Variants in UNC13C observed in about 807,000 individuals in gnomAD.
UNC13C encodes unc-13 homolog C.
Under a neutral mutation model 245.4 loss-of-function variants are expected in UNC13C, and 174 were observed. The observed-to-expected ratio is 0.71, with a 90% CI of 0.63 to 0.80. The LOEUF (loss-of-function observed/expected upper bound fraction) is 0.80, where lower values mean the gene tolerates loss of function less well. UNC13C is among the 30% of genes least tolerant of loss of function. UNC13C has a pLI of 0.00. For synonymous variants in UNC13C, 992 were observed against 895.1 expected (o/e 1.11, Z -1.93); for missense variants, 2,829 against 2,602.9 (o/e 1.09, Z -1.89).
At chr15:54,061,864 A>G (rs1897852393) in intron 2 of UNC13C, among the ~76,000 whole-genome samples, 1 of 152,194 alleles carries the variant, frequency 6.6e-6, no homozygotes, top group African/African-American at 2.4e-5. Context: ...CTTCATTCTT[A>G]GCATGGGTAT....
chr15:53,948,025 A>G, the UNC13C span: 2 of 152,216 alleles, frequency 1.3e-5, no homozygotes, highest in Non-Finnish European at 1.5e-5. Flanking sequence ...CAGTAGCGCA[A>G]TTAGGTGAAC....
chr15:53,961,791 A>C, the UNC13C span, among the ~76,000 whole-genome samples: 1 of 152,338 alleles, frequency 6.6e-6, no homozygotes, highest in Non-Finnish European at 1.5e-5. Flanking sequence ...TAATTCACCA[A>C]ATACAAATAT....
intron 18 of UNC13C, among the ~76,000 whole-genome samples, chr15:54,395,560 T>C (rs1343810603): frequency 1.3e-5 from 2 of 151,900 alleles, no homozygotes; most frequent in Non-Finnish European, 2.9e-5. Context: ...GATCAATATG[T>C]GAAGGACATG....
intron 17 of UNC13C, among the ~76,000 whole-genome samples, chr15:54,357,287 T>A (rs1305053438): frequency 6.6e-6 from 1 of 152,050 alleles, no homozygotes; most frequent in Non-Finnish European, 1.5e-5. Context: ...AAATAAAAGA[T>A]AATTATGAAG....
At chr15:54,189,971 C>T (rs925892663) in intron 4 of UNC13C, among the ~76,000 whole-genome samples, 1 of 152,110 alleles carries the variant, frequency 6.6e-6, no homozygotes, top group African/African-American at 2.4e-5. Context: ...GTCAACAGTC[C>T]TAATTTTAGC....
intron 17 of UNC13C, among the ~76,000 whole-genome samples, chr15:54,346,692 C>T (rs1170910702): frequency 1.3e-5 from 2 of 152,172 alleles, no homozygotes; most frequent in African/African-American, 4.8e-5. Flanking sequence ...GCTCTGCACT[C>T]GGTAGGTGGT....
the UNC13C span, among the ~76,000 whole-genome samples, chr15:53,924,264 G>A: frequency 6.6e-6 from 1 of 152,128 alleles, no homozygotes; most frequent in Non-Finnish European, 1.5e-5. Flanking sequence ...GCACGGCACA[G>A]TTCAGTGCTA....
intron 14 of UNC13C, among the ~76,000 whole-genome samples, chr15:54,323,229 T>G (rs2038211618): frequency 6.6e-6 from 1 of 152,008 alleles, no homozygotes; most frequent in South Asian, 2.1e-4. Context: ...AAAGATGTGC[T>G]CCTGTGTTTA....
At chr15:54,525,423 AAAAAG>A in intron 24 of UNC13C, 121 bp from the exon 25 acceptor site, 2 of 586,504 alleles carry the variant, frequency 3.4e-6, no homozygotes, top group Non-Finnish European at 5.5e-6. Context: ...AAAAAAAAAA[AAAAAG>A]AAGAGAAAAA....
At chr15:54,511,731 G>A (rs770265734) in intron 23 of UNC13C, 22 bp from the exon 24 acceptor site, 11 of 1,536,842 alleles carry the variant, frequency 7.2e-6, no homozygotes, top group Non-Finnish European at 8.9e-6. Context: ...GCTCATAATA[G>A]TCTTTTTTTC....
At chr15:54,350,968 T>G (rs948341021) in intron 17 of UNC13C, among the ~76,000 whole-genome samples, 1 of 152,204 alleles carries the variant, frequency 6.6e-6, no homozygotes, top group African/African-American at 2.4e-5. Context: ...GACTATAGTT[T>G]GAGTTATTTC....
intron 29 of UNC13C, among the ~76,000 whole-genome samples, chr15:54,562,251 T>A (rs1897324804): frequency 6.6e-6 from 1 of 152,032 alleles, no homozygotes; most frequent in Non-Finnish European, 1.5e-5. Context: ...AATCACCATT[T>A]GACAACACCA....
At chr15:54,337,841 T>A (rs1174189603) in intron 16 of UNC13C, among the ~76,000 whole-genome samples, 1 of 152,226 alleles carries the variant, frequency 6.6e-6, no homozygotes, top group African/African-American at 2.4e-5. Context: ...GGTCTATATG[T>A]AGTTTCCCCT....
At chr15:54,256,965 A>C (rs2036295388) in intron 8 of UNC13C, among the ~76,000 whole-genome samples, 1 of 152,170 alleles carries the variant, frequency 6.6e-6, no homozygotes. Flanking sequence ...GCTCTTTGAA[A>C]TTGTTTACGT....
At chr15:54,265,157 G>A (rs2036521415) in intron 9 of UNC13C, among the ~76,000 whole-genome samples, 198 bp from the exon 10 acceptor site, 1 of 151,616 alleles carries the variant, frequency 6.6e-6, no homozygotes, top group Admixed American at 6.6e-5. Flanking sequence ...TAAAGACAAG[G>A]GCAAAAATTA....
chr15:54,265,643 C>T, intron 10 of UNC13C, 147 bp downstream of exon 10: 1 of 536,332 alleles, frequency 1.9e-6, no homozygotes, highest in Non-Finnish European at 3.1e-6. Context: ...GTTATAAACT[C>T]CTTCAATACT....
chr15:54,473,363 G>C (rs1892561357), intron 19 of UNC13C, among the ~76,000 whole-genome samples: 1 of 151,904 alleles, frequency 6.6e-6, no homozygotes, highest in Non-Finnish European at 1.5e-5. Context: ...GTTAGGAACA[G>C]TTCAAATCTT....
chr15:54,418,193 A>T (rs2040561048), intron 19 of UNC13C, among the ~76,000 whole-genome samples: 1 of 152,162 alleles, frequency 6.6e-6, no homozygotes, highest in South Asian at 2.1e-4. Flanking sequence ...AGGCTTTCTA[A>T]TATATAACAA....
downstream of UNC13C, chr15:54,630,112 C>T (rs1314319575): frequency 1.3e-5 from 2 of 152,162 alleles, no homozygotes; most frequent in Admixed American, 1.3e-4. Context: ...AGATAAAACA[C>T]ACAAAGGCAA....
Sources: allele counts gnomAD v4.1 joint callset (sites outside exome capture counted in the v4.1 genomes callset), GRCh38; gene constraint gnomAD v4.1.1; transcripts MANE v1.5; gene names NCBI Gene and HGNC (gene_info 2026-07-23, HGNC 2026-07-21).